The following DNAH11 variants were observed in gnomAD, a reference collection of about 807,000 sequenced individuals.
DNAH11 encodes the protein dynein axonemal heavy chain 11, also known as axonemal beta dynein heavy chain 11.
In DNAH11, 442 loss-of-function variants were observed where a neutral mutation model predicts 526.0. That is an observed-to-expected ratio of 0.84 (90% confidence interval 0.78 to 0.91). The LOEUF (loss-of-function observed/expected upper bound fraction) is 0.91. Among genes scored for constraint, DNAH11 ranks in the 40% least tolerant of loss-of-function variants. DNAH11 has a pLI of 0.00. For missense variants in DNAH11, 6,989 were observed against 5,448.7 expected, an observed-to-expected ratio of 1.28 and a Z score of -8.90; for synonymous variants, 2,461 against 1,935.9, an observed-to-expected ratio of 1.27 and a Z score of -7.12.
Position 21,607,619 on chromosome 7 carries a change from T to A in DNAH11, c.3852+886T>A, listed in dbSNP as rs1785346687. Among the ~76,000 whole-genome samples, 3 of 152,050 alleles carry A rather than the reference T, an allele frequency of 2.0e-5. No homozygotes were observed. The South Asian group carries it at 6.2e-4, about 32-fold the overall frequency. On this transcript the variant is annotated intron_variant, in intron 20 of 81. Coordinates refer to ENST00000409508, the MANE Select transcript of DNAH11 (RefSeq NM_001277115.2). ...CTCCCTATGATATGGCTTGTATTAC[T>A]TTTCCTCTTTCAATTAAAAAAACAA...
chr7:21,816,101 G>T (rs962561431), intron 63 of DNAH11, among the ~76,000 whole-genome samples: 1 of 152,112 alleles, frequency 6.6e-6, no homozygotes, highest in African/African-American at 2.4e-5. Context: ...CATTGCTTAT[G>T]TGGGGGTGGG....
chr7:21,746,331 T>A (rs1012823193), intron 51 of DNAH11, among the ~76,000 whole-genome samples: 1 of 152,122 alleles, frequency 6.6e-6, no homozygotes, highest in Non-Finnish European at 1.5e-5. Flanking sequence ...AGGCTGAGTG[T>A]GGTGGCTCAC....
chr7:21,691,709 CAT>C (rs994217216), intron 35 of DNAH11, among the ~76,000 whole-genome samples: 3 of 152,040 alleles, frequency 2.0e-5, no homozygotes, highest in Admixed American at 6.6e-5. Flanking sequence ...AATATTTTGA[CAT>C]ATTTTATCAT....
intron 35 of DNAH11, among the ~76,000 whole-genome samples, chr7:21,695,144 G>A (rs1262730844): frequency 6.6e-6 from 1 of 152,108 alleles, no homozygotes; most frequent in Admixed American, 6.6e-5. Flanking sequence ...GGAAAAATCA[G>A]TATCATGAAA....
At chr7:21,857,204 A>G (rs564610320) in intron 68 of DNAH11, among the ~76,000 whole-genome samples, 1 of 152,352 alleles carries the variant, frequency 6.6e-6, no homozygotes, top group African/African-American at 2.4e-5. Context: ...TCAGTGTCTT[A>G]GCACTATTTA....
At chr7:21,833,930 G>A (rs1465407975) in intron 65 of DNAH11, among the ~76,000 whole-genome samples, 7 of 152,064 alleles carry the variant, frequency 4.6e-5, no homozygotes, top group Admixed American at 3.3e-4. Context: ...CTTACTTTCA[G>A]CAATGGACAG....
intron 73 of DNAH11, 110 bp from the exon 74 acceptor site, chr7:21,873,164 A>G: frequency 2.0e-6 from 2 of 997,658 alleles, no homozygotes; most frequent in Non-Finnish European, 3.0e-6. Flanking sequence ...GGAAAATTTG[A>G]ATCATGGTTC....
Position 21,690,865 on chromosome 7 carries a change from C to G in DNAH11, c.6025C>G (p.Leu2009Val). The change falls in exon 35 of 82, where the codon CTC becomes GTC. Residue 2009 changes from leucine (L) to valine (V), a missense_variant. Transcript: ENST00000409508. ...TGGTCGAACCGAATTACCGGAAAAT[C>G]TCAAAGCTCTTTTCAGGCAAGTGTT... ...YAGRTELPEN[L>V]KALFRPCAMV... 1.2e-6 allele frequency: 2 copies of G among 1,612,168 alleles called. No individual in the cohort carries two copies. Among genetic ancestry groups the G allele is most frequent in the East Asian group, 2.2e-5 (1 of 44,806 alleles).
intron 61 of DNAH11, among the ~76,000 whole-genome samples, chr7:21,794,016 T>G (rs1370661196): frequency 6.6e-6 from 1 of 152,266 alleles, no homozygotes; most frequent in Non-Finnish European, 1.5e-5. Context: ...TTACTGATTC[T>G]TTCTTCTGCT....
Position 21,543,413 on chromosome 7 carries a change from C to T in DNAH11, c.168C>T (p.Asp56=). 6.4e-7 allele frequency: 1 copy of T among 1,554,344 alleles called. No individual in the cohort carries two copies. Among genetic ancestry groups the T allele is most frequent in the Non-Finnish European group, 8.7e-7 (1 of 1,148,272 alleles). The change falls in exon 1 of 82, where the codon GAC becomes GAT. Residue 56 remains aspartate, a synonymous_variant. Transcript: ENST00000409508. ...AARRARSFAQ[D]ARVRFLGGRL... ...GGAGAGCGCGGAGTTTCGCCCAAGA[C>T]GCGCGGGTGCGCTTCCTCGGCGGCC...
intron 39 of DNAH11, among the ~76,000 whole-genome samples, chr7:21,707,276 T>C (rs1408311852): frequency 2.0e-5 from 3 of 152,238 alleles, no homozygotes; most frequent in Non-Finnish European, 4.4e-5. Context: ...GCTCTGGGAT[T>C]GGGCTCAGCA....
At chr7:21,862,167 C>A in intron 69 of DNAH11, 144 bp downstream of exon 69, 1 of 869,314 alleles carries the variant, frequency 1.2e-6, no homozygotes, top group Non-Finnish European at 1.7e-6. Flanking sequence ...GGGGAATTTG[C>A]TTCCCACAGG....
At chr7:21,738,046 C>T (rs564907097) in intron 46 of DNAH11, among the ~76,000 whole-genome samples, 6 of 152,200 alleles carry the variant, frequency 3.9e-5, no homozygotes, top group African/African-American at 7.2e-5. Flanking sequence ...GTTCCTTGGT[C>T]TCAAAATACT....
chr7:21,591,693 A>C, intron 14 of DNAH11, 116 bp downstream of exon 14: 2 of 1,119,172 alleles, frequency 1.8e-6, no homozygotes, highest in African/African-American at 1.6e-5. Flanking sequence ...GAGCTTTATG[A>C]ATGGTATTAT....
rs1254552538 is a variant in DNAH11 at position 21,710,556 on chromosome 7, T to G, written c.6687T>G (p.Ile2229Met). 2.5e-6 allele frequency: 4 copies of G among 1,605,328 alleles called. No individual in the cohort carries two copies. Among genetic ancestry groups the G allele is most frequent in the Non-Finnish European group, 3.4e-6 (4 of 1,174,056 alleles). ...ACTCAACTACATTATATATTAGGAT[T>G]GTTTACTCTTATTTTATAGGTCTCT... ...HATREWKDGK[I>M]VYSYFIGLFS... Residue 2229 changes from isoleucine (I) to methionine (M), a missense_variant, in exon 41 of 82, where the codon ATT becomes ATG. Physicochemically the swap from Ile to Met is conservative, Grantham distance 10. Coordinates refer to ENST00000409508, the MANE Select transcript of DNAH11 (RefSeq NM_001277115.2).
intron 30 of DNAH11, among the ~76,000 whole-genome samples, chr7:21,679,486 A>G (rs549158704): frequency 6.6e-6 from 1 of 152,362 alleles, no homozygotes; most frequent in East Asian, 1.9e-4. Flanking sequence ...ATCACGTTGT[A>G]TACCTTAAAC....
At chr7:21,868,751 T>C in intron 72 of DNAH11, 113 bp from the exon 73 acceptor site, 1 of 1,354,356 alleles carries the variant, frequency 7.4e-7, no homozygotes, top group Non-Finnish European at 1.0e-6. Context: ...TTCAGGAAAG[T>C]CACTCAGAAG....
At chr7:21,877,650 C>T (rs903428499) in intron 74 of DNAH11, among the ~76,000 whole-genome samples, 51 of 151,834 alleles carry the variant, frequency 3.4e-4, no homozygotes, top group African/African-American at 8.2e-4. Context: ...CCGAGGCGGG[C>T]GGATCACGAG....
chr7:21,861,881 T>C lies in DNAH11; in HGVS notation c.11231T>C (p.Ile3744Thr). 6.2e-7 allele frequency: 1 copy of C among 1,613,484 alleles called. No individual in the cohort carries two copies. Among genetic ancestry groups the C allele is most frequent in the East Asian group, 2.2e-5 (1 of 44,836 alleles). ...KAFNVLFHRAIEQADKVEDMQ... is the reference protein window; with the variant it reads ...KAFNVLFHRATEQADKVEDMQ... ...TTTAACGTGCTGTTCCACAGAGCGATCGAGCAGGCTGACAAGGTGGAAGAC... is the reference window on the plus strand; with the variant it reads ...TTTAACGTGCTGTTCCACAGAGCGACCGAGCAGGCTGACAAGGTGGAAGAC... Residue 3744 changes from isoleucine (I) to threonine (T), a missense_variant, in exon 69 of 82, where the codon ATC becomes ACC. Transcript: ENST00000409508.
Sources: allele counts gnomAD v4.1 joint callset (sites outside exome capture counted in the v4.1 genomes callset), GRCh38; gene constraint gnomAD v4.1.1; transcripts MANE v1.5; gene names NCBI Gene and HGNC (gene_info 2026-07-23, HGNC 2026-07-21).